Variants in HK1 observed in about 807,000 individuals in gnomAD.
HK1 encodes hexokinase 1.
A neutral mutation model predicts 91.6 loss-of-function variants in HK1; 28 were observed. The observed-to-expected ratio is 0.31, with a 90% CI of 0.23 to 0.42. The LOEUF (loss-of-function observed/expected upper bound fraction) is 0.42. HK1 is among the 10% of genes least tolerant of loss of function. The pLI is 1.00. For synonymous variants in HK1, 430 were observed against 468.1 expected (o/e 0.92, Z 1.05); for missense variants, 770 against 1,219.8 (o/e 0.63, Z 5.49).
intron 2 of HK1, among the ~76,000 whole-genome samples, chr10:69,286,006 A>G (rs1845013411): frequency 6.6e-6 from 1 of 152,200 alleles, no homozygotes; most frequent in Admixed American, 6.5e-5. Flanking sequence ...GGGAGCTTTT[A>G]AGAAATAAAT....
intron 4 of HK1, among the ~76,000 whole-genome samples, chr10:69,365,457 A>G (rs1422018808): frequency 3.3e-5 from 5 of 152,332 alleles, no homozygotes; most frequent in Non-Finnish European, 1.5e-5. Context: ...GACTGTGATG[A>G]TAACACTGAA....
intron 2 of HK1, among the ~76,000 whole-genome samples, chr10:69,288,125 A>G (rs759621774): frequency 6.6e-6 from 1 of 152,118 alleles, no homozygotes; most frequent in Non-Finnish European, 1.5e-5. Flanking sequence ...CTGCACTCCA[A>G]CCTGGTCAAC....
upstream of HK1, among the ~76,000 whole-genome samples, chr10:69,318,661 C>A (rs1395903666): frequency 6.6e-6 from 1 of 152,086 alleles, no homozygotes; most frequent in Non-Finnish European, 1.5e-5. Flanking sequence ...GAGCGGCCGC[C>A]GCGTCCCCGC....
chr10:69,386,933 A>T (rs924227980), intron 13 of HK1: 2 of 150,436 alleles, frequency 1.3e-5, no homozygotes, highest in Non-Finnish European at 1.5e-5. Context: ...GATTATTATT[A>T]TTTTTTTTTT....
At chr10:69,355,023 C>G (rs1194246225) in intron 2 of HK1, among the ~76,000 whole-genome samples, 1 of 136,468 alleles carries the variant, frequency 7.3e-6, no homozygotes, top group Non-Finnish European at 1.5e-5. Flanking sequence ...GAGCCAAGAT[C>G]ACGCCATTGC....
At chr10:69,305,010 T>C (rs547181255) in intron 5 of HK1, among the ~76,000 whole-genome samples, 89 of 152,276 alleles carry the variant, frequency 5.8e-4, no homozygotes, top group Non-Finnish European at 1.1e-3. Context: ...AAGCGTTCCT[T>C]GGCTTGTGGC....
intron 10 of HK1, among the ~76,000 whole-genome samples, chr10:69,383,680 A>G (rs1394032933): frequency 6.6e-6 from 1 of 152,254 alleles, no homozygotes; most frequent in African/African-American, 2.4e-5. Context: ...GGCAGATCTC[A>G]GACGCCCTTC....
intron 3 of HK1, among the ~76,000 whole-genome samples, chr10:69,290,739 A>T (rs1845263730): frequency 6.6e-6 from 1 of 152,070 alleles, no homozygotes; most frequent in South Asian, 2.1e-4. Flanking sequence ...ACCTCAGGTG[A>T]TCCACCCGCC....
In HK1 at chr10:69,327,421, C is replaced by G. The variant is rs760031075; in HGVS notation, c.63+8411C>G. 7.2e-5 allele frequency among the ~76,000 whole-genome samples: 11 copies of G among 152,308 alleles called. No individual in the cohort carries two copies. In the East Asian group the frequency reaches 2.1e-3, roughly 29 times the overall value. ...TACGTAACTGTTTCATTAAACTGCT[C>G]TGGTTTCTTACAGAGTATAAAAGCT... On this transcript the variant is annotated intron_variant, in intron 1 of 17. Transcript: ENST00000359426.
chr10:69,282,895 T>G lies in HK1; in HGVS notation c.-215+191T>G, dbSNP rs188414641. On this transcript the variant is annotated intron_variant, in intron 2 of 21. Coordinates refer to the HK1 transcript ENST00000360289. ...ACTTTGGGAGGCCGAGGTGGGTGGATCACCTGAGGTCAGGAGTTTGAGACC... is the reference window on the plus strand; with the variant it reads ...ACTTTGGGAGGCCGAGGTGGGTGGAGCACCTGAGGTCAGGAGTTTGAGACC... Among the ~76,000 whole-genome samples, 61 of 150,850 alleles carry G rather than the reference T, an allele frequency of 4.0e-4. No homozygotes were observed. The East Asian group carries it at 7.8e-3, about 19-fold the overall frequency.
At chr10:69,363,217 G>A (rs1849526192) in intron 3 of HK1, among the ~76,000 whole-genome samples, 2 of 152,200 alleles carry the variant, frequency 1.3e-5, no homozygotes, top group Admixed American at 1.3e-4. Context: ...TGTCATGAGA[G>A]TCATGTGAAA....
intron 15 of HK1, among the ~76,000 whole-genome samples, chr10:69,393,320 T>C (rs1839991677): frequency 6.6e-6 from 1 of 151,390 alleles, no homozygotes; most frequent in Non-Finnish European, 1.5e-5. Flanking sequence ...CTTTTTTTTT[T>C]GAGACAGAGT....
At chr10:69,386,265 G>C in intron 12 of HK1, 58 bp from the exon 13 acceptor site, 1 of 1,407,100 alleles carries the variant, frequency 7.1e-7, no homozygotes, top group African/African-American at 1.4e-5. Context: ...TTGGAATTTT[G>C]TGTTCTCCCC....
At position 69,383,417 on chromosome 10, in the gene HK1, T is replaced by C. The variant is rs377088495; in HGVS notation, c.1570+626T>C. ...TAGTTTTCACTGGAGCTGATCATTA[T>C]GGGGAATCTGAAGAGCTTTTCAGGT... On this transcript the variant is annotated intron_variant, in intron 10 of 17. Transcript: ENST00000359426. Among the ~76,000 whole-genome samples, 201 of 152,350 alleles carry C rather than the reference T, an allele frequency of 1.3e-3. No homozygotes were observed. In the Middle Eastern group the frequency reaches 0.017, roughly 13 times the overall value.
intron 1 of HK1, among the ~76,000 whole-genome samples, chr10:69,280,424 G>A (rs1455007640): frequency 6.6e-6 from 1 of 152,192 alleles, no homozygotes; most frequent in Non-Finnish European, 1.5e-5. Context: ...GCCCGGAAAA[G>A]GTTTTTTAAA....
At chr10:69,368,657 C>G in intron 5 of HK1, 26 bp downstream of exon 5, 1 of 1,562,160 alleles carries the variant, frequency 6.4e-7, no homozygotes, top group South Asian at 1.1e-5. Context: ...CCCTCTGCCT[C>G]AGCCATGCAG....
At chr10:69,363,421 C>T (rs573085025) in intron 3 of HK1, among the ~76,000 whole-genome samples, 1 of 152,344 alleles carries the variant, frequency 6.6e-6, no homozygotes, top group South Asian at 2.1e-4. Flanking sequence ...CTCTGCTGCC[C>T]AGGCTGGAGT....
At position 69,324,990 on chromosome 10, in the gene HK1, T is replaced by C. The variant is rs72805683; in HGVS notation, c.63+5980T>C. Among the ~76,000 whole-genome samples, 357 of 152,232 alleles carry C rather than the reference T, an allele frequency of 2.3e-3. 1 individual carries two copies. Among genetic ancestry groups the C allele is most frequent in the Non-Finnish European group, 3.9e-3 (264 of 68,018 alleles). ...GGTAAACAGTACACATCAGGGATAT[T>C]ATACTTAGAAACTTTGTAAGGTGGA... is the stretch of plus-strand genomic sequence containing the variant. On this transcript the variant is annotated intron_variant, in intron 1 of 17. Coordinates refer to ENST00000359426, the MANE Select transcript of HK1 (RefSeq NM_000188.3).
intron 1 of HK1, among the ~76,000 whole-genome samples, chr10:69,281,214 C>A (rs1173468951): frequency 6.6e-6 from 1 of 152,110 alleles, no homozygotes; most frequent in Non-Finnish European, 1.5e-5. Context: ...ATGGTTCCAC[C>A]CCAATGTTTT....
Sources: allele counts gnomAD v4.1 joint callset (sites outside exome capture counted in the v4.1 genomes callset), GRCh38; gene constraint gnomAD v4.1.1; transcripts MANE v1.5; gene names NCBI Gene and HGNC (gene_info 2026-07-23, HGNC 2026-07-21).